The following GET1 variants were observed in gnomAD, a reference collection of about 807,000 sequenced individuals.
GET1 encodes the protein guided entry of tail-anchored proteins factor 1.
In GET1, 20 loss-of-function variants were observed where a neutral mutation model predicts 22.6. The observed-to-expected ratio is 0.89, with a 90% CI of 0.62 to 1.29. The LOEUF (loss-of-function observed/expected upper bound fraction) is 1.29. GET1 is among the 50% of genes most tolerant of loss of function. The pLI, the probability that GET1 is intolerant of heterozygous loss-of-function variation, is 0.00. For missense variants in GET1, 209 were observed against 219.9 expected (o/e 0.95, Z 0.31); for synonymous variants, 92 against 83.8 (o/e 1.10, Z -0.53).
chr21:39,417,983 G>C (rs1601786882), intron 1 of GET1, among the ~76,000 whole-genome samples: 1 of 152,154 alleles, frequency 6.6e-6, no homozygotes, highest in South Asian at 2.1e-4. Context: ...TGCCAGGATT[G>C]TCTCCATCTC....
At chr21:39,400,185 C>T (rs914029491), downstream of GET1, among the ~76,000 whole-genome samples, 2 of 136,726 alleles carry the variant, frequency 1.5e-5, no homozygotes, top group Admixed American at 7.9e-5. Flanking sequence ...TGTGTGCACG[C>T]GCACGTGCTG....
intron 1 of GET1, among the ~76,000 whole-genome samples, chr21:39,416,500 AG>A (rs2041184613): frequency 6.6e-6 from 1 of 152,128 alleles, no homozygotes; most frequent in African/African-American, 2.4e-5. Flanking sequence ...GAATTTTTTT[AG>A]GGAGCCTTGG....
At chr21:39,423,562 C>A in intron 1 of GET1, 1 of 1,319,480 alleles carries the variant, frequency 7.6e-7, no homozygotes, top group Non-Finnish European at 1.0e-6. Context: ...TATGCATAAT[C>A]TCTCTCCCAT....
At chr21:39,391,744 T>C (rs185679715) in intron 2 of GET1, 25 bp from the exon 3 acceptor site, 540 of 1,611,200 alleles carry the variant, frequency 3.4e-4, no homozygotes, top group Non-Finnish European at 4.2e-4. Context: ...ACTGACATAA[T>C]TATTTATCCT....
chr21:39,386,144 T>G (rs2037883667), intron 1 of GET1: 1 of 152,272 alleles, frequency 6.6e-6, no homozygotes. Flanking sequence ...AAATTATCCT[T>G]CACTTTCTGC....
chr21:39,394,534 T>C (rs1223354634), intron 4 of GET1, among the ~76,000 whole-genome samples: 2 of 152,208 alleles, frequency 1.3e-5, no homozygotes, highest in Non-Finnish European at 2.9e-5. Flanking sequence ...ACTGGGTAGC[T>C]CATAAACAAC....
At chr21:39,411,417 C>CAGATA (rs772629806), downstream of GET1, among the ~76,000 whole-genome samples, 8 of 152,156 alleles carry the variant, frequency 5.3e-5, no homozygotes, top group Non-Finnish European at 1.2e-4. Context: ...CACTGGCTAA[C>CAGATA]AGATACACTT....
chr21:39,381,821 T>C (rs905370864), intron 1 of GET1, among the ~76,000 whole-genome samples: 4 of 152,180 alleles, frequency 2.6e-5, no homozygotes, highest in South Asian at 2.1e-4. Flanking sequence ...CATTGCAACC[T>C]CTGCCTCCCA....
intron 1 of GET1, among the ~76,000 whole-genome samples, chr21:39,415,318 A>G (rs1253234499): frequency 6.6e-6 from 1 of 152,178 alleles, no homozygotes; most frequent in African/African-American, 2.4e-5. Context: ...AATGCATAAA[A>G]TATGTAATTT....
chr21:39,404,188 T>C (rs1012341330), intron 4 of GET1, among the ~76,000 whole-genome samples: 1 of 152,256 alleles, frequency 6.6e-6, no homozygotes, highest in African/African-American at 2.4e-5. Context: ...GAGTATAGCC[T>C]CCTTTTTACA....
At position 39,406,178 on chromosome 21, in the gene GET1, C is replaced by T; in HGVS notation, c.*194C>T. 1 of 1,614,214 alleles carries T rather than the reference C, an allele frequency of 6.2e-7. No individual in the cohort carries two copies. The highest frequency in any genetic ancestry group is 8.5e-7 in the Non-Finnish European group (1 of 1,180,034). ...GACTTACCAAATGAGGGCTCATACC[C>T]ACTGTCAGAATGCTCTAGCTCCATT... is the stretch of plus-strand genomic sequence containing the variant. On this transcript the variant is annotated 3_prime_UTR_variant, in exon 5 of 5. Transcript: ENST00000415847.
At chr21:39,387,691 T>TCCC (rs369726797) in intron 1 of GET1, 25 of 104,200 alleles carry the variant, frequency 2.4e-4, no homozygotes, top group African/African-American at 1.0e-3. Context: ...CTCCCCACAC[T>TCCC]CCCCCCCCCC....
At chr21:39,407,226 A>C (rs2039223056), downstream of GET1, among the ~76,000 whole-genome samples, 1 of 152,162 alleles carries the variant, frequency 6.6e-6, no homozygotes, top group Non-Finnish European at 1.5e-5. Flanking sequence ...AGCTGTTTCA[A>C]AACAAAACAA....
downstream of GET1, among the ~76,000 whole-genome samples, chr21:39,407,039 C>A (rs950453130): frequency 6.6e-6 from 1 of 152,064 alleles, no homozygotes; most frequent in Non-Finnish European, 1.5e-5. Flanking sequence ...CCAGCCTGGG[C>A]AACATAGCGA....
At position 39,422,976 on chromosome 21, in the gene GET1, C is replaced by T. The variant is rs1446203533; in HGVS notation, c.*24-5256C>T. The T allele has an allele frequency of 3.7e-6, 6 of 1,612,794 alleles. No homozygotes were observed. In the African/African-American group the frequency reaches 6.7e-5, roughly 18 times the overall value. ...CTGTCTGGGCCCCTGAAATACAGACCTGTATTTTTTTGTCATTTGCGTCCA... is the reference window on the plus strand; with the variant it reads ...CTGTCTGGGCCCCTGAAATACAGACTTGTATTTTTTTGTCATTTGCGTCCA... On this transcript the variant is annotated intron_variant, in intron 1 of 1. Transcript: ENST00000478273.
rs16997561 is a variant in GET1 at position 39,411,689 on chromosome 21, G to A, written c.*23+752G>A. 3.1e-3 allele frequency: 3,673 copies of A among 1,177,570 alleles called. 101 individuals carry two copies. In the African/African-American group the frequency reaches 0.051, roughly 16 times the overall value. 72.9% of individuals were successfully genotyped at this position (1,177,570 alleles called of 1,614,324 possible). A position where few individuals can be genotyped will look rare whatever the true frequency, so the allele number is the denominator to read the frequency against. ...AAATCTGACTAGATACTTAAAAATA[G>A]ATTTTGAGCAAAAGTAATTAAAACA... On this transcript the variant is annotated intron_variant, in intron 1 of 1. Coordinates refer to the GET1 transcript ENST00000478273.
At chr21:39,406,782 C>A (rs2039133817), downstream of GET1, 1 of 551,430 alleles carries the variant, frequency 1.8e-6, no homozygotes, top group African/African-American at 1.9e-5. Context: ...GTGCTATTAA[C>A]AAATGTGTTA....
At chr21:39,389,407 G>T (rs1399245470) in intron 1 of GET1, among the ~76,000 whole-genome samples, 2 of 152,110 alleles carry the variant, frequency 1.3e-5, no homozygotes, top group African/African-American at 4.8e-5. Context: ...CCGGCCTCCA[G>T]AGTGTTAGGG....
At chr21:39,417,207 A>C (rs1339561326) in intron 1 of GET1, among the ~76,000 whole-genome samples, 1 of 151,574 alleles carries the variant, frequency 6.6e-6, no homozygotes, top group Non-Finnish European at 1.5e-5. Flanking sequence ...TAATTTTTTT[A>C]TTTTTGTATT....
Sources: allele counts gnomAD v4.1 joint callset (sites outside exome capture counted in the v4.1 genomes callset), GRCh38; gene constraint gnomAD v4.1.1; transcripts MANE v1.5; gene names NCBI Gene and HGNC (gene_info 2026-07-23, HGNC 2026-07-21).